TTLL5: variants seen among roughly 807,000 people sequenced by gnomAD.
TTLL5 encodes the protein tubulin polyglutamylase TTLL5.
In TTLL5, 132 loss-of-function variants were observed where a neutral mutation model predicts 168.4. That is an observed-to-expected ratio of 0.78 (90% CI 0.68 to 0.91). TTLL5 has a LOEUF of 0.91. Ranked by LOEUF, TTLL5 falls within the 40% of genes least tolerant of loss-of-function variation. The pLI is 0.00. For missense variants in TTLL5, 1,545 were observed against 1,581.5 expected (o/e 0.98, Z 0.39); for synonymous variants, 546 against 558.6 (o/e 0.98, Z 0.32).
At chr14:75,857,914 G>A (rs1368921110) in intron 28 of TTLL5, among the ~76,000 whole-genome samples, 1 of 152,032 alleles carries the variant, frequency 6.6e-6, no homozygotes, top group Non-Finnish European at 1.5e-5. Context: ...ACCTCCCAAA[G>A]TGCTAGGATT....
intron 31 of TTLL5, among the ~76,000 whole-genome samples, chr14:75,943,926 C>T (rs1316624928): frequency 6.6e-6 from 1 of 152,102 alleles, no homozygotes; most frequent in African/African-American, 2.4e-5. Flanking sequence ...CATGGATGGG[C>T]CTACCTGCAG....
intron 24 of TTLL5, among the ~76,000 whole-genome samples, chr14:75,782,264 A>G (rs1414368204): frequency 1.3e-5 from 2 of 152,104 alleles, no homozygotes; most frequent in African/African-American, 2.4e-5. Flanking sequence ...TCGCCAGTTC[A>G]GTTAACTGTA....
chr14:75,676,349 A>C (rs1328543912), intron 3 of TTLL5, among the ~76,000 whole-genome samples: 1 of 152,154 alleles, frequency 6.6e-6, no homozygotes, highest in Non-Finnish European at 1.5e-5. Flanking sequence ...GAATTTTTCC[A>C]ATTTTCAATG....
At chr14:75,848,625 A>AT (rs1405465877) in intron 28 of TTLL5, among the ~76,000 whole-genome samples, 3 of 152,166 alleles carry the variant, frequency 2.0e-5, no homozygotes, top group Non-Finnish European at 4.4e-5. Flanking sequence ...TCACAGCTAC[A>AT]TTTTTTTAGG....
chr14:75,930,710 A>C (rs953652898), intron 31 of TTLL5: 8 of 913,914 alleles, frequency 8.8e-6, no homozygotes, highest in Non-Finnish European at 1.0e-5. Flanking sequence ...TGGTTCTGAG[A>C]GAAAGAAGCG....
intron 9 of TTLL5, chr14:75,709,828 T>TAAAAAAAAAAAAAAAAAAA: frequency 2.5e-5 from 1 of 39,886 alleles, no homozygotes; most frequent in Non-Finnish European, 4.4e-5. Flanking sequence ...CCCATCTCAT[T>TAAAAAAAAAAAAAAAAAAA]AAAAAAAAAA....
intron 28 of TTLL5, chr14:75,838,725 G>A (rs894146538): frequency 1.7e-4 from 26 of 152,776 alleles, no homozygotes; most frequent in Admixed American, 1.7e-3. Context: ...AGTGCCTTTG[G>A]GGGCGAGGGT....
chr14:75,786,720 G>C (rs1892384428), intron 26 of TTLL5, among the ~76,000 whole-genome samples: 1 of 152,044 alleles, frequency 6.6e-6, no homozygotes, highest in African/African-American at 2.4e-5. Context: ...ATCACTAAAA[G>C]AATAAAAGTA....
intron 3 of TTLL5, among the ~76,000 whole-genome samples, chr14:75,671,306 T>C (rs1883726011): frequency 6.6e-6 from 1 of 152,232 alleles, no homozygotes; most frequent in Admixed American, 6.5e-5. Context: ...ACCGTACCTT[T>C]GTATTAAGTT....
intron 10 of TTLL5, 28 bp from the exon 11 acceptor site, chr14:75,719,707 G>A (rs1887723639): frequency 6.3e-7 from 1 of 1,581,006 alleles, no homozygotes; most frequent in African/African-American, 1.4e-5. Context: ...AGTTACATAT[G>A]TGACTTTGAT....
chr14:75,728,094 G>A (rs1043643896), intron 12 of TTLL5, among the ~76,000 whole-genome samples: 7 of 152,174 alleles, frequency 4.6e-5, no homozygotes, highest in South Asian at 4.1e-4. Context: ...AGTGGCTCAC[G>A]CCTGTAATCC....
At chr14:75,818,459 C>T in intron 27 of TTLL5, 3 of 395,152 alleles carry the variant, frequency 7.6e-6, no homozygotes, top group Non-Finnish European at 1.5e-5. Context: ...GAGATATTAG[C>T]GTGTTCCTAT....
In TTLL5 at chr14:75,773,956, AAAGAGAG is replaced by A. The variant is rs1566598162; in HGVS notation, c.2137-1526_2137-1520del. ...GAGAGAGAGAGAGAGAGAGAGAGAGAAAGAGAGAGAGAGAGAGAGAGAGAGAGAGAGA... is the reference window on the plus strand; with the variant it reads ...GAGAGAGAGAGAGAGAGAGAGAGAGAAGAGAGAGAGAGAGAGAGAGAGAGA... On this transcript the variant is annotated intron_variant, in intron 21 of 31. Coordinates refer to ENST00000298832, the MANE Select transcript of TTLL5 (RefSeq NM_015072.5). 4.1e-3 allele frequency among the ~76,000 whole-genome samples: 200 copies of A among 48,802 alleles called. 1 individual carries two copies. Among genetic ancestry groups the A allele is most frequent in the Non-Finnish European group, 7.4e-3 (169 of 22,910 alleles). 32.0% of individuals were successfully genotyped at this position (48,802 alleles called of 152,430 possible).
intron 30 of TTLL5, among the ~76,000 whole-genome samples, chr14:75,900,805 C>T (rs781048053): frequency 7.2e-5 from 11 of 152,332 alleles, no homozygotes; most frequent in South Asian, 4.1e-4. Context: ...CCATCCTTGA[C>T]CACTGTTCTC....
At chr14:75,731,335 T>TTA (rs1299311286) in intron 12 of TTLL5, among the ~76,000 whole-genome samples, 8 of 149,438 alleles carry the variant, frequency 5.4e-5, no homozygotes, top group South Asian at 2.1e-4. Flanking sequence ...GAGTGATGTT[T>TTA]TATATATATA....
intron 31 of TTLL5, among the ~76,000 whole-genome samples, chr14:75,918,547 T>C (rs1457545265): frequency 6.6e-6 from 1 of 152,006 alleles, no homozygotes; most frequent in Non-Finnish European, 1.5e-5. Context: ...CAGTAACACA[T>C]GAGAGCCCTC....
rs149336041 is a variant in TTLL5, at chr14:75,786,562, G to A, written c.2986+3032G>A. Among the ~76,000 whole-genome samples, 368 of 152,148 alleles carry A rather than the reference G, an allele frequency of 2.4e-3. 2 individuals carry two copies. Among genetic ancestry groups the A allele is most frequent in the African/African-American group, 7.4e-3 (308 of 41,514 alleles). ...TAAACAGTAGTAGATGACAATATGC[G>A]GACAAAAATATATAATTGACAACAG... On this transcript the variant is annotated intron_variant, in intron 26 of 31. Coordinates refer to ENST00000298832, the MANE Select transcript of TTLL5 (RefSeq NM_015072.5).
chr14:75,694,729 T>C (rs141589750), intron 6 of TTLL5, among the ~76,000 whole-genome samples: 2,389 of 152,272 alleles, frequency 0.016, 81 homozygotes, highest in African/African-American at 0.054. Context: ...TGTTTATTAG[T>C]TCCCCAAATT....
Position 75,766,307 on chromosome 14 carries a change from A to C in TTLL5, c.1954A>C (p.Thr652Pro). ...NKGGHCCKLE[T>P]QELEPKFNLM... ...AGGTGGACACTGCTGCAAACTTGAG[A>C]CTCAGGAGCTAGAGCCTAAATTTAA... is the stretch of plus-strand genomic sequence containing the variant. The change falls in exon 20 of 32, where the codon ACT (threonine) becomes CCT (proline). Residue 652 changes from threonine to proline, a missense_variant. Thr to Pro is a conservative substitution (Grantham distance 38). Coordinates refer to ENST00000298832, the MANE Select transcript of TTLL5 (RefSeq NM_015072.5). 1 of 1,614,050 alleles carries C rather than the reference A, an allele frequency of 6.2e-7. No homozygotes were observed. The highest frequency in any genetic ancestry group is 8.5e-7 in the Non-Finnish European group (1 of 1,179,974).
Sources: allele counts gnomAD v4.1 joint callset (sites outside exome capture counted in the v4.1 genomes callset), GRCh38; gene constraint gnomAD v4.1.1; transcripts MANE v1.5; gene names NCBI Gene and HGNC (gene_info 2026-07-23, HGNC 2026-07-21).